LARGE1: variants seen among roughly 807,000 people sequenced by gnomAD.
The protein encoded by LARGE1 is xylosyl- and glucuronyltransferase LARGE1.
LARGE1 carries 43 observed loss-of-function variants against 87.6 expected under a neutral mutation model. The observed-to-expected ratio is 0.49, with a 90% CI of 0.38 to 0.63. LARGE1 has a LOEUF of 0.63. Ranked by LOEUF, LARGE1 falls within the 30% of genes least tolerant of loss-of-function variation. The probability of loss-of-function intolerance (pLI) is 0.00; values close to 1 mark genes in which losing one functional copy is unlikely to be tolerated. For missense variants in LARGE1, 802 were observed against 1,000.2 expected, an observed-to-expected ratio of 0.80 and a Z score of 2.67; for synonymous variants, 434 against 394.6, an observed-to-expected ratio of 1.10 and a Z score of -1.18.
At chr22:33,559,424 C>G (rs1009902258) in intron 6 of LARGE1, among the ~76,000 whole-genome samples, 4 of 152,328 alleles carry the variant, frequency 2.6e-5, no homozygotes, top group African/African-American at 9.6e-5. Context: ...TCAGGTGATC[C>G]ACCCCCCTCG....
chr22:33,591,889 G>C (rs1037895192), intron 5 of LARGE1, among the ~76,000 whole-genome samples: 1 of 148,622 alleles, frequency 6.7e-6, no homozygotes, highest in African/African-American at 2.5e-5. Flanking sequence ...AGCCAGGCGT[G>C]ATAGCATGTG....
chr22:33,435,783 G>A (rs1202418791), intron 6 of LARGE1, among the ~76,000 whole-genome samples: 1 of 152,142 alleles, frequency 6.6e-6, no homozygotes, highest in East Asian at 1.9e-4. Context: ...TACCTGGGCT[G>A]CATTGCTTTT....
chr22:33,883,724 C>T (rs2064765282), intron 1 of LARGE1, among the ~76,000 whole-genome samples: 1 of 152,318 alleles, frequency 6.6e-6, no homozygotes, highest in East Asian at 1.9e-4. Flanking sequence ...TCGGCTCTTT[C>T]CCCAGAAAGC....
intron 6 of LARGE1, among the ~76,000 whole-genome samples, chr22:33,453,655 T>C (rs1377629368): frequency 1.3e-5 from 2 of 152,162 alleles, no homozygotes; most frequent in South Asian, 2.1e-4. Flanking sequence ...AGGCAGCCCA[T>C]CTTCATTCTG....
chr22:33,166,766 T>C (rs569973652), exon 12 of LARGE1: 6 of 471,494 alleles, frequency 1.3e-5, no homozygotes, highest in East Asian at 1.4e-4. Context: ...AGGACAATTA[T>C]AGGCATGTGT....
chr22:33,621,668 T>C (rs190258882), intron 4 of LARGE1, among the ~76,000 whole-genome samples: 1 of 152,314 alleles, frequency 6.6e-6, no homozygotes, highest in Admixed American at 6.5e-5. Flanking sequence ...AATGAAGCTA[T>C]TTATAGCTGG....
intron 2 of LARGE1, among the ~76,000 whole-genome samples, chr22:33,703,441 A>T (rs548893803): frequency 6.6e-6 from 1 of 152,278 alleles, no homozygotes; most frequent in Non-Finnish European, 1.5e-5. Context: ...TTACCTCCTG[A>T]TAATTCCTGA....
At chr22:33,440,606 T>C (rs1436799707) in intron 6 of LARGE1, among the ~76,000 whole-genome samples, 1 of 152,224 alleles carries the variant, frequency 6.6e-6, no homozygotes, top group Non-Finnish European at 1.5e-5. Context: ...TCAATGTGTG[T>C]CTGAGTGCAG....
chr22:33,491,587 C>A (rs1343582844), intron 6 of LARGE1, among the ~76,000 whole-genome samples: 1 of 152,172 alleles, frequency 6.6e-6, no homozygotes, highest in African/African-American at 2.4e-5. Context: ...TGTTGGTTGC[C>A]TGGATTTCTC....
intron 2 of LARGE1, among the ~76,000 whole-genome samples, chr22:33,707,013 G>C (rs1046365561): frequency 2.0e-5 from 3 of 152,214 alleles, no homozygotes; most frequent in Non-Finnish European, 4.4e-5. Context: ...ATGTGTTAAG[G>C]TGTGTCTTCC....
At chr22:33,522,717 G>C (rs956653258) in intron 6 of LARGE1, among the ~76,000 whole-genome samples, 1 of 151,974 alleles carries the variant, frequency 6.6e-6, no homozygotes, top group African/African-American at 2.4e-5. Flanking sequence ...TGCAATCCTA[G>C]CTACTTGGGA....
chr22:33,481,138 A>G (rs2069303894), intron 6 of LARGE1, among the ~76,000 whole-genome samples: 1 of 152,020 alleles, frequency 6.6e-6, no homozygotes, highest in African/African-American at 2.4e-5. Context: ...TGCAAAAAAA[A>G]AACGCTTTAG....
chr22:33,178,783 T>G (rs1415487883), intron 11 of LARGE1, among the ~76,000 whole-genome samples: 3 of 152,336 alleles, frequency 2.0e-5, no homozygotes, highest in African/African-American at 2.4e-5. Flanking sequence ...CCAGTTTATA[T>G]TTGAACACTC....
At chr22:33,715,344 C>A (rs1055931064) in intron 2 of LARGE1, among the ~76,000 whole-genome samples, 6 of 152,150 alleles carry the variant, frequency 3.9e-5, no homozygotes. Context: ...TCCCATACTT[C>A]TTAGAGGTAC....
At chr22:33,418,218 AT>A (rs1183141622) in intron 7 of LARGE1, among the ~76,000 whole-genome samples, 1 of 152,152 alleles carries the variant, frequency 6.6e-6, no homozygotes, top group Non-Finnish European at 1.5e-5. Flanking sequence ...AAGTGCTGGG[AT>A]TACAGTCGTG....
At chr22:33,777,565 C>T (rs1310373312) in intron 1 of LARGE1, among the ~76,000 whole-genome samples, 2 of 150,502 alleles carry the variant, frequency 1.3e-5, no homozygotes, top group African/African-American at 4.9e-5. Context: ...ATCTCTTGAG[C>T]CCAGGAGGTC....
intron 11 of LARGE1, among the ~76,000 whole-genome samples, chr22:33,308,645 C>T (rs945809087): frequency 6.6e-6 from 1 of 152,146 alleles, no homozygotes; most frequent in Non-Finnish European, 1.5e-5. Flanking sequence ...TACCTGCCGC[C>T]ATGTGAACTA....
chr22:33,298,876 A>G (rs1198144633), intron 12 of LARGE1, among the ~76,000 whole-genome samples: 1 of 151,178 alleles, frequency 6.6e-6, no homozygotes, highest in African/African-American at 2.5e-5. Flanking sequence ...GAAAAAAGAA[A>G]AGAAAAAGGA....
intron 6 of LARGE1, among the ~76,000 whole-genome samples, chr22:33,543,954 C>G (rs2077283005): frequency 6.6e-6 from 1 of 152,196 alleles, no homozygotes; most frequent in Non-Finnish European, 1.5e-5. Flanking sequence ...AAATGGTTTA[C>G]CATAAACACC....
Sources: allele counts gnomAD v4.1 joint callset (sites outside exome capture counted in the v4.1 genomes callset), GRCh38; gene constraint gnomAD v4.1.1; transcripts MANE v1.5; gene names NCBI Gene and HGNC (gene_info 2026-07-23, HGNC 2026-07-21).